The following PAPPA variants were observed in gnomAD, a reference collection of about 807,000 sequenced individuals.
PAPPA encodes the protein pappalysin-1.
Under a neutral mutation model 164.0 loss-of-function variants are expected in PAPPA, and 60 were observed. The ratio of observed to expected loss-of-function variants is 0.37; its 90% confidence interval spans 0.30 to 0.45. PAPPA has a LOEUF of 0.45. Ranked by LOEUF, PAPPA falls within the 20% of genes least tolerant of loss-of-function variation. The pLI is 1.00. For synonymous variants in PAPPA, 875 were observed against 814.1 expected (o/e 1.07, Z -1.27); for missense variants, 1,782 against 2,087.3 (o/e 0.85, Z 2.85).
intron 8 of PAPPA, among the ~76,000 whole-genome samples, chr9:116,268,250 T>G (rs1845094867): frequency 6.6e-6 from 1 of 152,182 alleles, no homozygotes; most frequent in African/African-American, 2.4e-5. Flanking sequence ...AAGATCCACA[T>G]TCATATGAAG....
At chr9:116,334,698 A>G (rs969244375) in intron 12 of PAPPA, among the ~76,000 whole-genome samples, 163 bp from the exon 13 acceptor site, 1 of 152,108 alleles carries the variant, frequency 6.6e-6, no homozygotes, top group South Asian at 2.1e-4. Context: ...AAGGCAGACA[A>G]AGAAACTTTC....
intron 1 of PAPPA, among the ~76,000 whole-genome samples, chr9:116,179,153 A>G (rs1247134281): frequency 6.6e-6 from 1 of 152,198 alleles, no homozygotes; most frequent in Non-Finnish European, 1.5e-5. Flanking sequence ...ATCCTAGTGT[A>G]CATGTGGGAA....
intron 9 of PAPPA, among the ~76,000 whole-genome samples, chr9:116,283,996 C>T (rs1282747061): frequency 6.6e-6 from 1 of 152,186 alleles, no homozygotes; most frequent in Admixed American, 6.5e-5. Context: ...TTCCTGACTT[C>T]ATATGATTGT....
Position 116,154,680 on chromosome 9 carries a change from T to C in PAPPA, c.415+93T>C. On this transcript the variant is annotated intron_variant, in intron 1 of 21. Transcript: ENST00000328252. This position sits in a 1 kb window ranked among gnomAD's most constrained non-coding sequence, Gnocchi z 5.2. Reference sequence around the variant, plus strand: ...CGCGGGTGGCGGGCGGGTCGGGGGCTTGCGGGCGTGTCTGTGCGAGAGCTG... The same window carrying C: ...CGCGGGTGGCGGGCGGGTCGGGGGCCTGCGGGCGTGTCTGTGCGAGAGCTG... 1 of 1,235,388 alleles carries C rather than the reference T, an allele frequency of 8.1e-7. No individual in the cohort carries two copies. Among genetic ancestry groups the C allele is most frequent in the Non-Finnish European group, 1.0e-6 (1 of 986,262 alleles). The allele number at this position is 1,235,388 out of a possible 1,614,324, so 76.5% of individuals were successfully genotyped here. A position where few individuals can be genotyped will look rare whatever the true frequency, so the allele number is the denominator to read the frequency against.
At chr9:116,339,427 C>T (rs1846105598) in intron 13 of PAPPA, among the ~76,000 whole-genome samples, 1 of 152,092 alleles carries the variant, frequency 6.6e-6, no homozygotes, top group Admixed American at 6.5e-5. Flanking sequence ...TCAAAACTTG[C>T]CTCCATACCA....
intron 7 of PAPPA, among the ~76,000 whole-genome samples, chr9:116,258,083 C>T (rs1844953497): frequency 6.6e-6 from 1 of 151,724 alleles, no homozygotes; most frequent in Non-Finnish European, 1.5e-5. Flanking sequence ...TAAAAGAAGA[C>T]CTAAATAAGT....
chr9:116,176,486 G>A (rs761592261), intron 1 of PAPPA, among the ~76,000 whole-genome samples: 1 of 152,120 alleles, frequency 6.6e-6, no homozygotes. Flanking sequence ...CCTTTATGGT[G>A]CATAATAGGA....
intron 7 of PAPPA, among the ~76,000 whole-genome samples, chr9:116,243,440 A>C (rs955204187): frequency 2.0e-5 from 3 of 152,214 alleles, no homozygotes; most frequent in African/African-American, 7.2e-5. Flanking sequence ...AATGGTGTTT[A>C]GGTATTAGCA....
chr9:116,224,733 TA>T (rs1844484252), intron 5 of PAPPA, among the ~76,000 whole-genome samples: 1 of 152,236 alleles, frequency 6.6e-6, no homozygotes, highest in South Asian at 2.1e-4. Context: ...TATTTATTTT[TA>T]ATTAAATTAA....
intron 13 of PAPPA, among the ~76,000 whole-genome samples, chr9:116,335,355 G>A (rs1457452534): frequency 1.3e-5 from 2 of 152,020 alleles, no homozygotes; most frequent in East Asian, 1.9e-4. Flanking sequence ...TGGAAACATC[G>A]GTTTCCTTCT....
chr9:116,231,971 C>T (rs1844604183), intron 6 of PAPPA, among the ~76,000 whole-genome samples: 1 of 151,794 alleles, frequency 6.6e-6, no homozygotes, highest in Non-Finnish European at 1.5e-5. Context: ...TCAGGCTGGT[C>T]TCGAACTCCT....
At chr9:116,201,968 A>C (rs1276608383) in intron 2 of PAPPA, among the ~76,000 whole-genome samples, 1 of 152,190 alleles carries the variant, frequency 6.6e-6, no homozygotes, top group Non-Finnish European at 1.5e-5. Flanking sequence ...TCAAGAGCCC[A>C]GGAAGCATGA....
intron 9 of PAPPA, among the ~76,000 whole-genome samples, chr9:116,298,294 G>A (rs746838959): frequency 1.1e-4 from 16 of 152,124 alleles, no homozygotes; most frequent in Non-Finnish European, 2.1e-4. Flanking sequence ...CATCTGCCTC[G>A]GGCTCTTGAA....
intron 4 of PAPPA, among the ~76,000 whole-genome samples, chr9:116,218,918 G>GAAGGAAAA (rs1283442792): frequency 6.6e-6 from 1 of 152,162 alleles, no homozygotes; most frequent in African/African-American, 2.4e-5. Context: ...GAGAAGGAAA[G>GAAGGAAAA]GGGTTTACCG....
chr9:116,332,156 G>C (rs560876487), intron 11 of PAPPA, among the ~76,000 whole-genome samples, 177 bp from the exon 12 acceptor site: 1 of 152,248 alleles, frequency 6.6e-6, no homozygotes, highest in East Asian at 1.9e-4. Context: ...TCTGATCTCA[G>C]AGCCTGTGCT....
intron 15 of PAPPA, among the ~76,000 whole-genome samples, chr9:116,350,653 C>T (rs1392113225): frequency 1.3e-5 from 2 of 152,202 alleles, no homozygotes; most frequent in Non-Finnish European, 2.9e-5. Flanking sequence ...TGTTATCTCT[C>T]TTAGGCAATT....
intron 10 of PAPPA, among the ~76,000 whole-genome samples, chr9:116,315,462 T>C (rs1845776325): frequency 6.6e-6 from 1 of 152,360 alleles, no homozygotes; most frequent in African/African-American, 2.4e-5. Flanking sequence ...TGATAAATAC[T>C]GATAAATAAA....
intron 7 of PAPPA, 38 bp downstream of exon 7, chr9:116,235,675 G>C (rs1430617775): frequency 1.2e-6 from 2 of 1,608,870 alleles, no homozygotes; most frequent in Non-Finnish European, 1.7e-6. Context: ...TATTAAGTGG[G>C]TGGGTTGTGG....
Position 116,311,627 on chromosome 9 carries a change from C to T in PAPPA, c.3147+8677C>T, listed in dbSNP as rs758183404. The stretch of plus-strand genomic sequence containing the variant: ...ACTGTTTGTTACCAGCTGTCTGATG[C>T]CTGGCGAATGATTTCAGTTTTCTGA... On this transcript the variant is annotated intron_variant, in intron 10 of 21. Coordinates refer to ENST00000328252, the MANE Select transcript of PAPPA (RefSeq NM_002581.5). Among the ~76,000 whole-genome samples the T allele has an allele frequency of 2.0e-4, 30 of 152,168 alleles. 1 individual carries two copies. The highest frequency in any genetic ancestry group is 3.9e-4 in the Admixed American group (6 of 15,290).
Sources: gnomAD v4.1 joint callset for allele counts (sites outside exome capture counted in the v4.1 genomes callset) on GRCh38, gnomAD v4.1.1 for gene constraint, Gnocchi (gnomAD v3.1) non-coding constraint, MANE v1.5 for transcripts, NCBI Gene and HGNC (gene_info 2026-07-23, HGNC 2026-07-21) for gene names.